Variants in WAS observed in about 807,000 individuals in gnomAD.
WAS encodes actin nucleation-promoting factor WAS.
Under a neutral mutation model 38.9 loss-of-function variants are expected in WAS, and 1 was observed. The ratio of observed to expected loss-of-function variants is 0.03; its 90% CI spans 0.01 to 0.12. The LOEUF (loss-of-function observed/expected upper bound fraction) is 0.12, where lower values mean the gene tolerates loss of function less well. Ranked by LOEUF, WAS falls within the 10% of genes least tolerant of loss-of-function variation. The pLI, the probability that WAS is intolerant of heterozygous loss-of-function variation, is 1.00. For synonymous variants in WAS, 182 were observed against 173.6 expected (o/e 1.05, Z -0.38); for missense variants, 311 against 431.2 (o/e 0.72, Z 2.47).
Position 48,685,790 on chromosome X carries a change from C to G in WAS, c.417C>G (p.Ala139=). 8.4e-7 allele frequency: 1 copy of G among 1,185,171 alleles called. No individual in the cohort carries two copies. The highest frequency in any genetic ancestry group is 3.1e-5 in the East Asian group (1 of 32,135). ...ADEDEAQAFR[A]LVQEKIQKRN... Reference sequence around the variant, plus strand: ...AGGACGAGGCCCAGGCCTTCCGGGCCCTCGTGCAGGAGAAGATACAAAAAA... The same window carrying G: ...AGGACGAGGCCCAGGCCTTCCGGGCGCTCGTGCAGGAGAAGATACAAAAAA... Residue 139 remains alanine (A), a synonymous_variant, in exon 4 of 12, where the codon GCC becomes GCG. Transcript: ENST00000376701.
In WAS at chrX:48,685,784, C is replaced by T. The variant is rs1474269671; in HGVS notation, c.411C>T (p.Phe137=). The change falls in exon 4 of 12, where the codon TTC becomes TTT. Residue 137 remains phenylalanine, a synonymous_variant. Transcript: ENST00000376701. ...NFADEDEAQA[F]RALVQEKIQK... ...CAGACGAGGACGAGGCCCAGGCCTT[C>T]CGGGCCCTCGTGCAGGAGAAGATAC... 2 of 1,182,739 alleles carry T rather than the reference C, an allele frequency of 1.7e-6. No homozygotes were observed. The highest frequency in any genetic ancestry group is 4.8e-5 in the Admixed American group (2 of 41,331).
upstream of WAS, among the ~76,000 whole-genome samples, chrX:48,681,954 A>T (rs139659302): frequency 2.7e-5 from 3 of 112,010 alleles, no homozygotes; most frequent in East Asian, 8.4e-4. Flanking sequence ...AGACCTGCTC[A>T]GCTCCCCCAA....
rs1189016509 is a variant in WAS, at chrX:48,688,044, C to A, written c.735-10C>A. 3 of 1,203,772 alleles carry A rather than the reference C, an allele frequency of 2.5e-6. No individual in the cohort carries two copies. Among genetic ancestry groups the A allele is most frequent in the Admixed American group, 4.4e-5 (2 of 45,256 alleles). On this transcript the variant is annotated splice_polypyrimidine_tract_variant and intron_variant, in intron 7 of 11. Transcript: ENST00000376701. ...GTGAGGATTCACTGGAGTCTCTTCA[C>A]CTCTCCCAGGCATGTCAGCCACGTG...
upstream of WAS, chrX:48,683,748 C>G: frequency 2.7e-6 from 3 of 1,107,721 alleles, no homozygotes; most frequent in South Asian, 4.3e-5. Context: ...TTCCCTTGTC[C>G]CTTGTGGTTT....
At chrX:48,691,046 C>T in intron 11 of WAS, 61 bp from the exon 12 acceptor site, 4 of 1,096,957 alleles carry the variant, frequency 3.6e-6, no homozygotes, top group Non-Finnish European at 5.0e-6. Context: ...CCTCACCTCC[C>T]AGGCCCTATG....
At chrX:48,687,939 C>A in intron 7 of WAS, 115 bp from the exon 8 acceptor site, 1 of 767,464 alleles carries the variant, frequency 1.3e-6, no homozygotes, top group Non-Finnish European at 2.0e-6. Context: ...CAGTCTCATT[C>A]ATTAATTCTG....
At chrX:48,681,906 T>C (rs1557005813), upstream of WAS, among the ~76,000 whole-genome samples, 1 of 111,607 alleles carries the variant, frequency 9.0e-6, no homozygotes, top group East Asian at 2.8e-4. Flanking sequence ...AGATGTGCCG[T>C]TCCTCCTTCA....
rs782185441 is a variant in WAS at position 48,685,908 on chromosome X, C to G, written c.464-38C>G. 1.3e-5 allele frequency: 16 copies of G among 1,208,912 alleles called. No individual in the cohort carries two copies. In the South Asian group the frequency reaches 2.6e-4, roughly 20 times the overall value. On this transcript the variant is annotated intron_variant, in intron 4 of 11. Transcript: ENST00000376701. ...CAAGCCTGGGGAACTAGAAAAGTCCCCTCTCATGGTCCTGGCTCCCAATCC... is the reference window on the plus strand; with the variant it reads ...CAAGCCTGGGGAACTAGAAAAGTCCGCTCTCATGGTCCTGGCTCCCAATCC...
intron 1 of WAS, among the ~76,000 whole-genome samples, chrX:48,677,686 C>T (rs1221825890): frequency 1.8e-5 from 2 of 111,664 alleles, no homozygotes; most frequent in South Asian, 3.7e-4. Flanking sequence ...TCACCCTGTC[C>T]TCATTCCGCC....
In WAS at chrX:48,688,980, G is replaced by T. The variant is rs782784813; in HGVS notation, c.1252G>T (p.Ala418Ser). The T allele has an allele frequency of 3.4e-5, 41 of 1,189,909 alleles. No homozygotes were observed. The highest frequency in any genetic ancestry group is 1.2e-4 in the Admixed American group (5 of 42,985). ...NGPAPPPLPP[A>S]LVPAGGLAPG... ...ACCAGCCCCTCCCCCACTCCCTCCT[G>T]CTCTGGTGCCTGCCGGGGGCCTGGC... The change falls in exon 10 of 12, where the codon GCT becomes TCT. Residue 418 changes from alanine (A) to serine (S), a missense_variant. Ala to Ser is a moderately conservative substitution (Grantham distance 99, BLOSUM62 1). This residue lies in a region of WAS where 142 missense variants were observed against 157.6 expected (regional missense o/e 0.90). Coordinates refer to ENST00000376701, the MANE Select transcript of WAS (RefSeq NM_000377.3).
At chrX:48,684,203 G>A in intron 1 of WAS, 80 bp from the exon 2 acceptor site, 1 of 1,193,875 alleles carries the variant, frequency 8.4e-7, no homozygotes, top group Non-Finnish European at 1.1e-6. Flanking sequence ...CTGTCATGAG[G>A]CAGGAAGGAC....
chrX:48,689,085 G>A lies in WAS; in HGVS notation c.1338+19G>A, dbSNP rs1441533566. 1 of 1,188,568 alleles carries A rather than the reference G, an allele frequency of 8.4e-7. No individual in the cohort carries two copies. The highest frequency in any genetic ancestry group is 1.1e-6 in the Non-Finnish European group (1 of 883,319). ...GAACAAGGTGAGGACAGGCAGGATG[G>A]AGGATTGGGGGTCTAGGACTCTGGG... On this transcript the variant is annotated intron_variant, in intron 10 of 11. Coordinates refer to ENST00000376701, the MANE Select transcript of WAS (RefSeq NM_000377.3).
Position 48,684,387 on chromosome X carries a change from C to T in WAS, c.237C>T (p.Pro79=). ...CGAVCFVKDN[P]QKSYFIRLYG... ...CTGTGTGCTTCGTGAAGGATAACCC[C>T]CAGAAGTCCTACTTCATCCGCCTTT... Residue 79 remains proline (P), a synonymous_variant, in exon 2 of 12, where the codon CCC becomes CCT. Transcript: ENST00000376701. 8.3e-7 allele frequency: 1 copy of T among 1,211,135 alleles called. No homozygotes were observed. The highest frequency in any genetic ancestry group is 1.1e-6 in the Non-Finnish European group (1 of 895,288).
At chrX:48,680,781 T>C (rs781897068), upstream of WAS, among the ~76,000 whole-genome samples, 1 of 111,974 alleles carries the variant, frequency 8.9e-6, no homozygotes, top group Non-Finnish European at 1.9e-5. Context: ...ACTGTAAGTA[T>C]CCTTAGTCCA....
chrX:48,676,981 A>G (rs899376209), intron 1 of WAS, among the ~76,000 whole-genome samples: 1 of 112,541 alleles, frequency 8.9e-6, no homozygotes, highest in African/African-American at 3.2e-5. Flanking sequence ...TGGGCTCACA[A>G]AGACTGAGGC....
chrX:48,687,380 G>A (rs959950749), intron 7 of WAS, among the ~76,000 whole-genome samples: 13 of 111,290 alleles, frequency 1.2e-4, no homozygotes, highest in African/African-American at 4.2e-4. Context: ...TGGGTGGATG[G>A]ATGGATAAAT....
chrX:48,689,171 CT>C, intron 10 of WAS, 105 bp downstream of exon 10: 1 of 991,916 alleles, frequency 1.0e-6, no homozygotes. Flanking sequence ...AGTGCCAGGC[CT>C]TAGGGATTCA....
rs370235898 is a variant in WAS at position 48,683,909 on chromosome X, A to C, written c.56A>C (p.Gln19Pro). ...GGGGGCCGAGGAGCACCAGCGGTTC[A>C]GCAGAACATACCCTCCACCCTCCTC... ...RPGGRGAPAV[Q>P]QNIPSTLLQD... The change falls in exon 1 of 12, where the codon CAG becomes CCG. Residue 19 changes from glutamine to proline, a missense_variant. Physicochemically the swap from Gln to Pro is moderately conservative, Grantham distance 76. This residue lies in a region of WAS where 64 missense variants were observed against 122.5 expected (regional missense o/e 0.52). Coordinates refer to ENST00000376701, the MANE Select transcript of WAS (RefSeq NM_000377.3). 2.5e-6 allele frequency: 3 copies of C among 1,209,622 alleles called. No homozygotes were observed. Among genetic ancestry groups the C allele is most frequent in the Non-Finnish European group, 3.4e-6 (3 of 895,079 alleles).
chrX:48,679,150 C>T (rs73489866), upstream of WAS, among the ~76,000 whole-genome samples: 1 of 109,641 alleles, frequency 9.1e-6, no homozygotes, highest in African/African-American at 3.3e-5. Context: ...CCGCCTCAGC[C>T]TCCCCGACTA....
Sources: allele counts gnomAD v4.1 joint callset (sites outside exome capture counted in the v4.1 genomes callset), GRCh38; gene constraint gnomAD v4.1.1; regional missense constraint gnomAD v4.1.1; transcripts MANE v1.5; gene names NCBI Gene and HGNC (gene_info 2026-07-23, HGNC 2026-07-21).